GALNT13: variants seen among roughly 807,000 people sequenced by gnomAD.
GALNT13 encodes the protein polypeptide N-acetylgalactosaminyltransferase 13, also known as UDP-GalNAc:polypeptide N-acetylgalactosaminyltransferase 13.
In GALNT13, 28 loss-of-function variants were observed where a neutral mutation model predicts 64.2. The observed-to-expected ratio is 0.44, with a 90% confidence interval of 0.32 to 0.60. The LOEUF (loss-of-function observed/expected upper bound fraction) is 0.60, where lower values mean the gene tolerates loss of function less well. Ranked by LOEUF, GALNT13 falls within the 20% of genes least tolerant of loss-of-function variation. The pLI is 0.05. For synonymous variants in GALNT13, 214 were observed against 224.6 expected, an observed-to-expected ratio of 0.95 and a Z score of 0.42; for missense variants, 577 against 669.8, an observed-to-expected ratio of 0.86 and a Z score of 1.53.
At chr2:153,518,186 C>A in the GALNT13 span, among the ~76,000 whole-genome samples, 325 of 152,274 alleles carry the variant, frequency 2.1e-3, no homozygotes, top group Non-Finnish European at 3.5e-3. Context: ...CTTCCAATGA[C>A]TTCAGACATG....
the GALNT13 span, among the ~76,000 whole-genome samples, chr2:153,613,484 T>C: frequency 1.3e-5 from 2 of 152,174 alleles, no homozygotes; most frequent in Non-Finnish European, 2.9e-5. Flanking sequence ...TAGGGCTTTA[T>C]ATGAGTTAGG....
intron 9 of GALNT13, among the ~76,000 whole-genome samples, chr2:154,320,382 C>T (rs1045308160): frequency 2.6e-5 from 4 of 152,032 alleles, no homozygotes; most frequent in African/African-American, 9.7e-5. Flanking sequence ...GTTTAGAGTC[C>T]TTATGTATTA....
At chr2:153,546,163 G>A in the GALNT13 span, among the ~76,000 whole-genome samples, 1 of 152,114 alleles carries the variant, frequency 6.6e-6, no homozygotes. Flanking sequence ...TCTGAAAATT[G>A]CATTTAAAAC....
the GALNT13 span, among the ~76,000 whole-genome samples, chr2:153,645,594 CTCA>C: frequency 6.6e-6 from 1 of 151,988 alleles, no homozygotes; most frequent in African/African-American, 2.4e-5. Context: ...TGTTTTTTCA[CTCA>C]TCATGATTTA....
chr2:154,311,040 A>G (rs1267414806), intron 9 of GALNT13, among the ~76,000 whole-genome samples: 1 of 151,722 alleles, frequency 6.6e-6, no homozygotes, highest in African/African-American at 2.4e-5. Context: ...TATTAGATCA[A>G]TGGATATGTA....
At chr2:153,593,270 GT>G in the GALNT13 span, 14 of 152,480 alleles carry the variant, frequency 9.2e-5, no homozygotes, top group African/African-American at 3.4e-4. Context: ...TCGGTTTGCG[GT>G]TTGCGTGAGA....
the GALNT13 span, among the ~76,000 whole-genome samples, chr2:153,371,628 C>T: frequency 1.3e-5 from 2 of 152,034 alleles, no homozygotes; most frequent in Admixed American, 1.3e-4. Context: ...CTGCAGAAGA[C>T]TGATAAGAGA....
At chr2:154,052,134 T>G (rs1358123402) in intron 3 of GALNT13, among the ~76,000 whole-genome samples, 1 of 152,190 alleles carries the variant, frequency 6.6e-6, no homozygotes, top group Non-Finnish European at 1.5e-5. Context: ...TCCTAATCCT[T>G]CAGACTAACC....
At chr2:153,235,907 T>G in the GALNT13 span, among the ~76,000 whole-genome samples, 3 of 152,296 alleles carry the variant, frequency 2.0e-5, no homozygotes, top group African/African-American at 7.2e-5. Context: ...TGAGATAGAC[T>G]GAAAGCTAGG....
the GALNT13 span, among the ~76,000 whole-genome samples, chr2:153,860,773 A>G: frequency 6.6e-6 from 1 of 152,204 alleles, no homozygotes; most frequent in East Asian, 1.9e-4. Context: ...CCAACGTGAC[A>G]AAAGTCCCTG....
At chr2:154,012,401 C>T (rs565055019) in intron 3 of GALNT13, among the ~76,000 whole-genome samples, 7 of 152,162 alleles carry the variant, frequency 4.6e-5, no homozygotes, top group Non-Finnish European at 1.0e-4. Flanking sequence ...AGTCCCCCAT[C>T]TTTTCTGGTT....
At chr2:153,513,281 C>A in the GALNT13 span, among the ~76,000 whole-genome samples, 2 of 152,102 alleles carry the variant, frequency 1.3e-5, no homozygotes, top group Non-Finnish European at 2.9e-5. Flanking sequence ...TTCATAGATT[C>A]ATATTTATTG....
intron 1 of GALNT13, among the ~76,000 whole-genome samples, chr2:153,896,081 A>ATATATTTTTTTTTTTTTT (rs1574065409): frequency 2.9e-5 from 4 of 136,806 alleles, no homozygotes; most frequent in East Asian, 2.2e-4. Flanking sequence ...ATGATTTTAT[A>ATATATTTTTTTTTTTTTT]TTTTTATGTT....
In GALNT13 at chr2:154,242,136, A is replaced by C. The variant is rs1689522706; in HGVS notation, c.418A>C (p.Asn140His). The change falls in exon 5 of 13, where the codon AAT becomes CAT. Residue 140 changes from asparagine to histidine, a missense_variant. Coordinates refer to ENST00000392825, the MANE Select transcript of GALNT13 (RefSeq NM_052917.4). ...CCTTAGAACTGTTTACAGTGTGATAAATCGTTCCCCACACTATCTACTCTC... is the reference window on the plus strand; with the variant it reads ...CCTTAGAACTGTTTACAGTGTGATACATCGTTCCCCACACTATCTACTCTC... ...TLLRTVYSVINRSPHYLLSEV... is the reference protein window; with the variant it reads ...TLLRTVYSVIHRSPHYLLSEV... 9 of 1,613,332 alleles carry C rather than the reference A, an allele frequency of 5.6e-6. No homozygotes were observed. The highest frequency in any genetic ancestry group is 6.8e-6 in the Non-Finnish European group (8 of 1,179,564).
chr2:153,313,940 C>T, the GALNT13 span, among the ~76,000 whole-genome samples: 1 of 151,980 alleles, frequency 6.6e-6, no homozygotes, highest in East Asian at 1.9e-4. Context: ...GACTATTTCT[C>T]CAGTTTTTCC....
At chr2:153,205,863 A>G in the GALNT13 span, among the ~76,000 whole-genome samples, 1 of 152,106 alleles carries the variant, frequency 6.6e-6, no homozygotes, top group African/African-American at 2.4e-5. Flanking sequence ...AACTAAATTT[A>G]CACATGCCAG....
chr2:154,108,261 T>C (rs1702735284), intron 3 of GALNT13, among the ~76,000 whole-genome samples: 1 of 152,020 alleles, frequency 6.6e-6, no homozygotes, highest in Non-Finnish European at 1.5e-5. Flanking sequence ...TCCACAACCC[T>C]GCAACACTTG....
At chr2:153,749,834 G>A in the GALNT13 span, among the ~76,000 whole-genome samples, 1 of 151,644 alleles carries the variant, frequency 6.6e-6, no homozygotes, top group Non-Finnish European at 1.5e-5. Context: ...TCTTTTATCT[G>A]ATTGCTTTAG....
chr2:153,366,923 C>T, the GALNT13 span, among the ~76,000 whole-genome samples: 1 of 151,314 alleles, frequency 6.6e-6, no homozygotes, highest in South Asian at 2.1e-4. Flanking sequence ...AAGCAGGAAC[C>T]ATTATTAAAG....
Sources: gnomAD v4.1 joint callset for allele counts (sites outside exome capture counted in the v4.1 genomes callset) on GRCh38, gnomAD v4.1.1 for gene constraint, MANE v1.5 for transcripts, NCBI Gene and HGNC (gene_info 2026-07-23, HGNC 2026-07-21) for gene names.